The following PRKN variants were observed in gnomAD, a reference collection of about 807,000 sequenced individuals.
PRKN encodes parkin RBR E3 ubiquitin protein ligase.
PRKN carries 56 observed loss-of-function variants against 59.5 expected under a neutral mutation model. The ratio of observed to expected loss-of-function variants is 0.94; its 90% CI spans 0.76 to 1.18. The LOEUF (loss-of-function observed/expected upper bound fraction) is 1.18, where lower values mean the gene tolerates loss of function less well. Ranked by LOEUF, PRKN falls within the 50% of genes most tolerant of loss-of-function variation. The probability of loss-of-function intolerance (pLI) is 0.00; values close to 1 mark genes in which losing one functional copy is unlikely to be tolerated. For synonymous variants in PRKN, 250 were observed against 222.1 expected, an observed-to-expected ratio of 1.13 and a Z score of -1.12; for missense variants, 657 against 596.4, an observed-to-expected ratio of 1.10 and a Z score of -1.06.
chr6:161,928,998 C>G (rs1342855961), intron 6 of PRKN, among the ~76,000 whole-genome samples: 1 of 152,110 alleles, frequency 6.6e-6, no homozygotes, highest in African/African-American at 2.4e-5. Flanking sequence ...CAAACGAGGA[C>G]TCAAACCCAC....
At chr6:161,797,770 G>A (rs1448632442) in intron 6 of PRKN, among the ~76,000 whole-genome samples, 1 of 152,108 alleles carries the variant, frequency 6.6e-6, no homozygotes, top group Non-Finnish European at 1.5e-5. Flanking sequence ...AAGAATTTCT[G>A]GCATATAGTA....
chr6:162,294,670 C>T (rs561387991), intron 2 of PRKN, among the ~76,000 whole-genome samples: 1 of 151,920 alleles, frequency 6.6e-6, no homozygotes, highest in East Asian at 1.9e-4. Flanking sequence ...TGTGCTTGCT[C>T]AGCATCATTA....
intron 4 of PRKN, among the ~76,000 whole-genome samples, chr6:162,183,828 A>T (rs984561778): frequency 4.6e-5 from 7 of 152,196 alleles, no homozygotes; most frequent in African/African-American, 1.7e-4. Flanking sequence ...ATAGCCAAGT[A>T]ACTTTTTTCC....
chr6:162,153,288 T>A (rs959303411), intron 4 of PRKN, among the ~76,000 whole-genome samples: 1 of 152,170 alleles, frequency 6.6e-6, no homozygotes, highest in South Asian at 2.1e-4. Context: ...GGCGCACCCC[T>A]TGCGGGAAGG....
chr6:162,073,048 G>A (rs1442392792), intron 4 of PRKN, among the ~76,000 whole-genome samples: 1 of 152,196 alleles, frequency 6.6e-6, no homozygotes, highest in African/African-American at 2.4e-5. Flanking sequence ...TCTGTAAAGT[G>A]TGGGTACAGG....
chr6:162,173,408 C>T (rs1184274275), intron 4 of PRKN, among the ~76,000 whole-genome samples: 1 of 152,174 alleles, frequency 6.6e-6, no homozygotes, highest in Non-Finnish European at 1.5e-5. Flanking sequence ...TCTTTAGTGG[C>T]TTGAGATTTA....
rs117993499 is a variant in PRKN at position 161,876,740 on chromosome 6, T to G, written c.735-90832A>C. Among the ~76,000 whole-genome samples, 773 of 152,266 alleles carry G rather than the reference T, an allele frequency of 5.1e-3. 5 individuals are homozygous for G. The highest frequency in any genetic ancestry group is 8.4e-3 in the Non-Finnish European group (572 of 68,016). On this transcript the variant is annotated intron_variant, in intron 6 of 11. Coordinates refer to ENST00000366898, the MANE Select transcript of PRKN (RefSeq NM_004562.3). ...TATTCTTTTATTTTCTACTATTATT[T>G]TTTCTATTCTCCTATCACAGTTGGA...
chr6:161,999,546 T>G (rs995538689), intron 5 of PRKN, among the ~76,000 whole-genome samples: 3 of 152,132 alleles, frequency 2.0e-5, no homozygotes, highest in African/African-American at 7.2e-5. Flanking sequence ...ATTTTGCATT[T>G]TCTATGTGCT....
At chr6:162,292,042 C>T (rs1781455681) in intron 2 of PRKN, among the ~76,000 whole-genome samples, 1 of 151,444 alleles carries the variant, frequency 6.6e-6, no homozygotes, top group African/African-American at 2.4e-5. Flanking sequence ...CGCCTCACTG[C>T]CACCTCTGCC....
chr6:162,661,079 T>C (rs1366434349), intron 1 of PRKN, among the ~76,000 whole-genome samples: 3 of 152,012 alleles, frequency 2.0e-5, no homozygotes, highest in Non-Finnish European at 4.4e-5. Flanking sequence ...CTGACCAACA[T>C]GGAGAAACCC....
chr6:162,631,968 T>G, intron 1 of PRKN, among the ~76,000 whole-genome samples: 1 of 148,424 alleles, frequency 6.7e-6, no homozygotes, highest in East Asian at 2.0e-4. Flanking sequence ...CCAGTCAGAA[T>G]GGCTATTATT....
chr6:161,500,876 CTT>C (rs34247928), intron 9 of PRKN, among the ~76,000 whole-genome samples: 22 of 115,390 alleles, frequency 1.9e-4, no homozygotes, highest in African/African-American at 3.8e-4. Context: ...TTTTTTTTTT[CTT>C]TTTTTTTTTT....
At chr6:162,700,404 G>A (rs761630276) in intron 1 of PRKN, among the ~76,000 whole-genome samples, 1 of 152,150 alleles carries the variant, frequency 6.6e-6, no homozygotes, top group Non-Finnish European at 1.5e-5. Flanking sequence ...AATCCCTCTT[G>A]TGCCCACTGT....
intron 7 of PRKN, among the ~76,000 whole-genome samples, chr6:161,613,000 A>G (rs1326588061): frequency 6.6e-6 from 1 of 152,206 alleles, no homozygotes; most frequent in Non-Finnish European, 1.5e-5. Flanking sequence ...GATAATTTCA[A>G]CTTTTGAGTC....
At chr6:162,071,760 A>C (rs1778585339) in intron 4 of PRKN, among the ~76,000 whole-genome samples, 1 of 151,590 alleles carries the variant, frequency 6.6e-6, no homozygotes, top group Non-Finnish European at 1.5e-5. Context: ...CACACCCACT[A>C]ATTTTTGTAT....
intron 4 of PRKN, among the ~76,000 whole-genome samples, chr6:162,145,608 C>A (rs1014540406): frequency 6.6e-6 from 1 of 152,122 alleles, no homozygotes; most frequent in Non-Finnish European, 1.5e-5. Context: ...AAAGTACACT[C>A]CACAGTGTGG....
At chr6:161,615,844 C>G (rs1409799523) in intron 7 of PRKN, among the ~76,000 whole-genome samples, 1 of 152,202 alleles carries the variant, frequency 6.6e-6, no homozygotes, top group Admixed American at 6.5e-5. Flanking sequence ...GACGAGCTGC[C>G]TTCACACAAC....
At chr6:162,216,457 G>T (rs978569274) in intron 3 of PRKN, among the ~76,000 whole-genome samples, 1 of 143,604 alleles carries the variant, frequency 7.0e-6, no homozygotes, top group Non-Finnish European at 1.5e-5. Context: ...GTGAACCCGG[G>T]AAGCGGAGCT....
chr6:162,210,222 C>A (rs1190579784), intron 3 of PRKN, among the ~76,000 whole-genome samples: 2 of 152,100 alleles, frequency 1.3e-5, no homozygotes, highest in Non-Finnish European at 1.5e-5. Flanking sequence ...GCCCTCAATG[C>A]CTGTTCTCTC....
Sources: gnomAD v4.1 joint callset for allele counts (sites outside exome capture counted in the v4.1 genomes callset) on GRCh38, gnomAD v4.1.1 for gene constraint, MANE v1.5 for transcripts, NCBI Gene and HGNC (gene_info 2026-07-23, HGNC 2026-07-21) for gene names.